The following CPA4 variants were observed in gnomAD, a reference collection of about 807,000 sequenced individuals.
CPA4 encodes the protein carboxypeptidase A3.
CPA4 carries 49 observed loss-of-function variants against 54.7 expected under a neutral mutation model. That is an observed-to-expected ratio of 0.90 (90% CI 0.71 to 1.14). CPA4 has a LOEUF of 1.14. CPA4 is among the 50% of genes most tolerant of loss of function. The probability of loss-of-function intolerance (pLI) is 0.00; values close to 1 mark genes in which losing one functional copy is unlikely to be tolerated. For synonymous variants in CPA4, 215 were observed against 206.8 expected (o/e 1.04, Z -0.34); for missense variants, 487 against 525.1 (o/e 0.93, Z 0.71).
chr7:130,305,848 C>T lies in CPA4; in HGVS notation c.519C>T (p.Ala173=), dbSNP rs1793811381. 1.9e-6 allele frequency: 3 copies of T among 1,614,180 alleles called. No individual in the cohort carries two copies. The highest frequency in any genetic ancestry group is 1.7e-6 in the Non-Finnish European group (2 of 1,180,032). ...CTGGGAAAGGCGTGAGGCGGCCGGCCGTTTGGCTGAATGCAGGCATCCATT... is the reference window on the plus strand; with the variant it reads ...CTGGGAAAGGCGTGAGGCGGCCGGCTGTTTGGCTGAATGCAGGCATCCATT... The part of the protein sequence containing the change: ...FSTGKGVRRP[A]VWLNAGIHSR... The change falls in exon 6 of 11, where the codon GCC becomes GCT. Residue 173 remains alanine, a synonymous_variant. Transcript: ENST00000222482.
At chr7:130,293,680 G>C (rs1401315160) in intron 1 of CPA4, among the ~76,000 whole-genome samples, 1 of 152,170 alleles carries the variant, frequency 6.6e-6, no homozygotes, top group Non-Finnish European at 1.5e-5. Context: ...CAAGCTTGTT[G>C]GTTTCACTTC....
Position 130,304,560 on chromosome 7 carries a change from G to T in CPA4, c.467G>T (p.Arg156Leu). The T allele has an allele frequency of 6.2e-7, 1 of 1,611,556 alleles. No homozygotes were observed. Among genetic ancestry groups the T allele is most frequent in the Non-Finnish European group, 8.5e-7 (1 of 1,177,634 alleles). The change falls in exon 5 of 11, where the codon CGG becomes CTG. Residue 156 changes from arginine (R) to leucine (L), a missense_variant. By Grantham distance (102) the Arg-to-Leu change is moderately radical. Coordinates refer to ENST00000222482, the MANE Select transcript of CPA4 (RefSeq NM_016352.4). ...AAGATTGGACATTCGTTTGAAAACC[G>T]GCCGATGTATGTACTGAAGGTGAGG... ...RVKIGHSFEN[R>L]PMYVLKFSTG... is the part of the protein sequence containing the mutation.
In CPA4 at chr7:130,310,374, A is replaced by T. The variant is rs1793892867; in HGVS notation, c.794-413A>T. ...TAATCAAGAGATTTTAGCCACAACA[A>T]TTGATTATTTCTGGCACACTTGGCC... On this transcript the variant is annotated intron_variant, in intron 8 of 10. Coordinates refer to ENST00000222482, the MANE Select transcript of CPA4 (RefSeq NM_016352.4). This position sits in a 1 kb window ranked among gnomAD's most constrained non-coding sequence, Gnocchi z 4.3. Among the ~76,000 whole-genome samples, 1 of 152,216 alleles carries T rather than the reference A, an allele frequency of 6.6e-6. No individual in the cohort carries two copies. Among genetic ancestry groups the T allele is most frequent in the African/African-American group, 2.4e-5 (1 of 41,466 alleles).
intron 4 of CPA4, among the ~76,000 whole-genome samples, 159 bp downstream of exon 4, chr7:130,301,073 G>GGCTGGTAGGAGTTC (rs1344702458): frequency 3.3e-5 from 5 of 152,116 alleles, no homozygotes; most frequent in Non-Finnish European, 7.4e-5. Flanking sequence ...TTGGATTGCT[G>GGCTGGTAGGAGTTC]AACTCCTACC....
chr7:130,300,772 G>T (rs1046079837), intron 3 of CPA4, 44 bp from the exon 4 acceptor site: 15 of 1,370,332 alleles, frequency 1.1e-5, no homozygotes, highest in African/African-American at 2.9e-5. Context: ...ACATAAACCT[G>T]CGTCTGCAAT....
At chr7:130,299,470 C>A in intron 3 of CPA4, 66 bp downstream of exon 3, 1 of 1,466,788 alleles carries the variant, frequency 6.8e-7, no homozygotes. Context: ...CAGAGTAGAC[C>A]GGAGTGATTT....
chr7:130,308,497 G>A (rs528241440), intron 8 of CPA4, 100 bp downstream of exon 8: 11 of 896,360 alleles, frequency 1.2e-5, no homozygotes, highest in Non-Finnish European at 2.0e-5. Context: ...TTCCACTTTG[G>A]TTCCGTTGCT....
At chr7:130,317,431 C>T (rs1794006539) in intron 10 of CPA4, among the ~76,000 whole-genome samples, 1 of 152,194 alleles carries the variant, frequency 6.6e-6, no homozygotes, top group African/African-American at 2.4e-5. Flanking sequence ...GAAGGCACAA[C>T]TCTGATCCCC....
intron 1 of CPA4, 30 bp downstream of exon 1, chr7:130,293,278 T>C (rs1409090019): frequency 7.5e-7 from 1 of 1,341,350 alleles, no homozygotes; most frequent in Admixed American, 1.7e-5. Context: ...ATTATTTGGT[T>C]ATTTCAGAAA....
intron 4 of CPA4, 51 bp from the exon 5 acceptor site, chr7:130,304,427 T>C: frequency 9.7e-7 from 1 of 1,034,814 alleles, no homozygotes; most frequent in South Asian, 1.3e-5. Flanking sequence ...TATCCAGCCA[T>C]AGATAAGCAG....
intron 10 of CPA4, among the ~76,000 whole-genome samples, chr7:130,319,847 G>A (rs1794058810): frequency 6.6e-6 from 1 of 152,194 alleles, no homozygotes; most frequent in Non-Finnish European, 1.5e-5. Flanking sequence ...GTTATTTGAT[G>A]AGACCTCTAG....
In CPA4 at chr7:130,310,822, T is replaced by C. The variant is rs1351749525; in HGVS notation, c.829T>C (p.Tyr277His). The C allele has an allele frequency of 1.2e-6, 2 of 1,614,212 alleles. No individual in the cohort carries two copies. The highest frequency in any genetic ancestry group is 3.3e-5 in the Admixed American group (2 of 60,024). Residue 277 changes from tyrosine (Y) to histidine (H), a missense_variant, in exon 9 of 11, where the codon TAC (tyrosine) becomes CAC (histidine). Transcript: ENST00000222482. The surrounding 1 kb of genome is among the most constrained non-coding windows in gnomAD (Gnocchi z 4.3). Reference protein sequence around the residue: ...GASDNPCSEVYHGPHANSEVE... With the variant: ...GASDNPCSEVHHGPHANSEVE... ...CAGCGACAACCCTTGCTCCGAAGTGTACCATGGACCCCACGCCAATTCGGA... is the reference window on the plus strand; with the variant it reads ...CAGCGACAACCCTTGCTCCGAAGTGCACCATGGACCCCACGCCAATTCGGA...
At chr7:130,300,061 G>C (rs887704753) in intron 3 of CPA4, among the ~76,000 whole-genome samples, 17 of 151,884 alleles carry the variant, frequency 1.1e-4, no homozygotes, top group South Asian at 2.1e-4. Flanking sequence ...ATCTGGCCTG[G>C]GAGTTTCCTG....
chr7:130,298,671 G>A, intron 1 of CPA4, 75 bp from the exon 2 acceptor site: 1 of 891,530 alleles, frequency 1.1e-6, no homozygotes, highest in Non-Finnish European at 1.9e-6. Flanking sequence ...TGGGATAGGA[G>A]GCTTGGGGGT....
At chr7:130,316,766 C>T (rs1226030999) in intron 10 of CPA4, among the ~76,000 whole-genome samples, 4 of 151,926 alleles carry the variant, frequency 2.6e-5, no homozygotes, top group African/African-American at 7.3e-5. Flanking sequence ...GGTGAAACCC[C>T]GTCTCTACTA....
rs149102144 is a variant in CPA4 at position 130,308,444 on chromosome 7, G to A, written c.793+47G>A. 626 of 1,496,000 alleles carry A rather than the reference G, an allele frequency of 4.2e-4. 3 individuals carry two copies. In the East Asian group the frequency reaches 0.01, roughly 25 times the overall value. 92.7% of individuals were successfully genotyped at this position (1,496,000 alleles called of 1,614,324 possible). ...CTCAAATCCTGCTGTCCCTGGGCTC[G>A]CCTGGTCTACCAGTGCTCTGAGCTG... On this transcript the variant is annotated intron_variant, in intron 8 of 10. Transcript: ENST00000222482.
chr7:130,300,348 T>G (rs1793720152), intron 3 of CPA4, among the ~76,000 whole-genome samples: 1 of 150,466 alleles, frequency 6.6e-6, no homozygotes, highest in Admixed American at 6.6e-5. Context: ...TTTTTTTTTT[T>G]TTTTTTGAGA....
intron 5 of CPA4, 36 bp downstream of exon 5, chr7:130,304,615 C>A: frequency 7.9e-7 from 1 of 1,264,868 alleles, no homozygotes; most frequent in South Asian, 1.2e-5. Context: ...TCTCCTGGGT[C>A]CTCATGCCCA....
At chr7:130,314,949 A>G (rs1218030102) in intron 10 of CPA4, among the ~76,000 whole-genome samples, 2 of 152,022 alleles carry the variant, frequency 1.3e-5, no homozygotes, top group African/African-American at 4.8e-5. Flanking sequence ...GACACAAGAG[A>G]AGGCTGAGGG....
Sources: gnomAD v4.1 joint callset for allele counts (sites outside exome capture counted in the v4.1 genomes callset) on GRCh38, gnomAD v4.1.1 for gene constraint, Gnocchi (gnomAD v3.1) non-coding constraint, MANE v1.5 for transcripts, NCBI Gene and HGNC (gene_info 2026-07-23, HGNC 2026-07-21) for gene names.